The following ERI1 variants were observed in gnomAD, a reference collection of about 807,000 sequenced individuals.
ERI1 encodes the protein 3'-5' exoribonuclease 1.
Under a neutral mutation model 39.7 loss-of-function variants are expected in ERI1, and 39 were observed. The ratio of observed to expected loss-of-function variants is 0.98; its 90% CI spans 0.76 to 1.28. The LOEUF (loss-of-function observed/expected upper bound fraction) is 1.28, where lower values mean the gene tolerates loss of function less well. Ranked by LOEUF, ERI1 falls within the 50% of genes most tolerant of loss-of-function variation. The pLI is 0.00. For synonymous variants in ERI1, 204 were observed against 149.6 expected (o/e 1.36, Z -2.65); for missense variants, 581 against 416.9 (o/e 1.39, Z -3.43).
At chr8:9,096,889 C>T (rs1440676440) in intron 3 of ERI1, 1 of 151,912 alleles carries the variant, frequency 6.6e-6, no homozygotes, top group Non-Finnish European at 1.5e-5. Flanking sequence ...CCTCTGTTCC[C>T]ACTTTCTGTC....
chr8:9,017,757 C>G (rs947334166), intron 4 of ERI1, among the ~76,000 whole-genome samples: 1 of 152,084 alleles, frequency 6.6e-6, no homozygotes, highest in Non-Finnish European at 1.5e-5. Context: ...GAAAATGGTC[C>G]AGATAGGCAG....
intron 6 of ERI1, among the ~76,000 whole-genome samples, chr8:9,029,215 A>G (rs1797411810): frequency 1.3e-5 from 2 of 152,166 alleles, no homozygotes; most frequent in Admixed American, 1.3e-4. Context: ...GTCCTGAACA[A>G]TACATTCCCT....
chr8:9,026,422 T>C (rs991052883), intron 6 of ERI1, among the ~76,000 whole-genome samples: 2 of 151,636 alleles, frequency 1.3e-5, no homozygotes, highest in African/African-American at 2.4e-5. Context: ...GCAATCATCA[T>C]TCTTCTGTCT....
At chr8:9,071,593 G>A (rs1027942910) in intron 3 of ERI1, among the ~76,000 whole-genome samples, 3 of 152,180 alleles carry the variant, frequency 2.0e-5, no homozygotes, top group East Asian at 1.9e-4. Flanking sequence ...CAGATAGGAC[G>A]GGATAATTGA....
intron 3 of ERI1, among the ~76,000 whole-genome samples, chr8:9,063,514 G>T (rs1342902674): frequency 6.6e-6 from 1 of 152,116 alleles, no homozygotes; most frequent in Admixed American, 6.5e-5. Context: ...ACCTAGCTCG[G>T]CCTGGCAAGG....
Position 9,003,182 on chromosome 8 carries a change from GA to G in ERI1, c.108+12del. On this transcript the variant is annotated intron_variant, in intron 1 of 6. Transcript: ENST00000250263. Reference sequence around the variant, plus strand: ...CGTCCCAGTCCCGAGGTGAGGAGTCGACCCGCGCCTGGCTGTTGGCGCCAGC... The same window carrying G: ...CGTCCCAGTCCCGAGGTGAGGAGTCGCCCGCGCCTGGCTGTTGGCGCCAGC... The G allele has an allele frequency of 8.1e-7, 1 of 1,238,498 alleles. No homozygotes were observed. The highest frequency in any genetic ancestry group is 1.0e-6 in the Non-Finnish European group (1 of 989,222). The allele number at this position is 1,238,498 out of a possible 1,614,324, so 76.7% of individuals were successfully genotyped here.
intron 3 of ERI1, among the ~76,000 whole-genome samples, chr8:9,067,809 C>T (rs115814228): frequency 6.6e-6 from 1 of 151,732 alleles, no homozygotes; most frequent in South Asian, 2.1e-4. Context: ...AGAACTGGGA[C>T]AGGTCCCCAA....
intron 3 of ERI1, among the ~76,000 whole-genome samples, chr8:9,091,970 G>C (rs950824243): frequency 6.6e-6 from 1 of 152,108 alleles, no homozygotes; most frequent in South Asian, 2.1e-4. Context: ...TGTTGTTGTT[G>C]TTTTGAGACA....
intron 3 of ERI1, among the ~76,000 whole-genome samples, chr8:9,086,154 C>G (rs954465862): frequency 2.0e-5 from 3 of 152,156 alleles, no homozygotes; most frequent in Non-Finnish European, 2.9e-5. Flanking sequence ...TGGCTCACAC[C>G]TATAATCCCA....
At chr8:9,042,311 T>C (rs1455327412) in intron 3 of ERI1, among the ~76,000 whole-genome samples, 1 of 152,222 alleles carries the variant, frequency 6.6e-6, no homozygotes, top group Non-Finnish European at 1.5e-5. Context: ...AACTATCCCT[T>C]CTCTGCAAAA....
rs1357580308 is a variant in ERI1 at position 9,020,587 on chromosome 8, ACTCTTCAGATTCCAAATTC to A, written c.807+126_807+144del. The A allele has an allele frequency of 4.3e-5, 26 of 599,990 alleles. No homozygotes were observed. In the East Asian group the frequency reaches 4.5e-4, roughly 10 times the overall value. The allele number at this position is 599,990 out of a possible 1,614,324, so 37.2% of individuals were successfully genotyped here. A position where few individuals can be genotyped will look rare whatever the true frequency, so the allele number is the denominator to read the frequency against. ...GAAAAAAGCCATATAATTAGTTCTT[ACTCTTCAGATTCCAAATTC>A]CTTATGTTCAAATTAGATAAGCCTT... On this transcript the variant is annotated intron_variant, in intron 6 of 6. Coordinates refer to ENST00000250263, the MANE Select transcript of ERI1 (RefSeq NM_153332.4).
chr8:9,078,261 A>C (rs1799267462), intron 3 of ERI1, among the ~76,000 whole-genome samples: 1 of 152,114 alleles, frequency 6.6e-6, no homozygotes, highest in South Asian at 2.1e-4. Context: ...AAATGCTGGG[A>C]ATACAAGTGT....
chr8:9,062,704 C>T lies in ERI1; in HGVS notation n.299+42240C>T, dbSNP rs371769390. ...CAATCCGGCAGTGTCAGTCTACAGC[C>T]GCTAAGCTGAGAAGATCTGGGAAGG... On this transcript the variant is annotated intron_variant and non_coding_transcript_variant, in intron 3 of 3. Transcript: ENST00000518663. 24 of 151,486 alleles carry T rather than the reference C, an allele frequency of 1.6e-4. No individual in the cohort carries two copies. In the East Asian group the frequency reaches 4.5e-3, roughly 28 times the overall value. 9.4% of individuals were successfully genotyped at this position (151,486 alleles called of 1,614,324 possible).
intron 3 of ERI1, among the ~76,000 whole-genome samples, chr8:9,015,131 C>T (rs1321022878): frequency 6.6e-6 from 1 of 152,220 alleles, no homozygotes; most frequent in Non-Finnish European, 1.5e-5. Flanking sequence ...GTCACCACAT[C>T]TGGCCTCAGG....
intron 2 of ERI1, chr8:9,009,005 A>G (rs1296963326): frequency 2.6e-5 from 12 of 456,098 alleles, no homozygotes; most frequent in African/African-American, 8.0e-5. Context: ...TTTGACTCCT[A>G]TTTCCCCGAT....
intron 6 of ERI1, among the ~76,000 whole-genome samples, chr8:9,026,060 A>G (rs923714583): frequency 2.0e-5 from 3 of 152,192 alleles, no homozygotes; most frequent in Non-Finnish European, 2.9e-5. Flanking sequence ...CCAATAAGCA[A>G]TAGCTTTCTT....
chr8:9,055,878 G>C (rs1411959295), intron 3 of ERI1, among the ~76,000 whole-genome samples: 1 of 152,124 alleles, frequency 6.6e-6, no homozygotes. Flanking sequence ...TTGAGGGAAA[G>C]GGGTTCTGGT....
intron 3 of ERI1, among the ~76,000 whole-genome samples, chr8:9,098,872 C>G (rs941139595): frequency 6.6e-6 from 1 of 152,128 alleles, no homozygotes; most frequent in Admixed American, 6.5e-5. Flanking sequence ...CTCTCACTGT[C>G]ACTCAGACTG....
intron 3 of ERI1, among the ~76,000 whole-genome samples, chr8:9,013,324 T>TG (rs1816873631): frequency 1.5e-5 from 2 of 137,478 alleles, no homozygotes; most frequent in Non-Finnish European, 3.1e-5. Flanking sequence ...CATTCTCACT[T>TG]AAAAAAAAAA....
Sources: gnomAD v4.1 joint callset for allele counts (sites outside exome capture counted in the v4.1 genomes callset) on GRCh38, gnomAD v4.1.1 for gene constraint, MANE v1.5 for transcripts, NCBI Gene and HGNC (gene_info 2026-07-23, HGNC 2026-07-21) for gene names.